SHC3: variants seen among roughly 807,000 people sequenced by gnomAD.
SHC3 encodes SHC adaptor protein 3, also known as SHC-transforming protein 3.
A neutral mutation model predicts 60.4 loss-of-function variants in SHC3; 15 were observed. The ratio of observed to expected loss-of-function variants is 0.25; its 90% CI spans 0.17 to 0.38. The LOEUF (loss-of-function observed/expected upper bound fraction) is 0.38, where lower values mean the gene tolerates loss of function less well. Among genes scored for constraint, SHC3 ranks in the 10% least tolerant of loss-of-function variants. SHC3 has a pLI of 1.00. For missense variants in SHC3, 677 were observed against 786.1 expected (o/e 0.86, Z 1.66); for synonymous variants, 294 against 325.9 (o/e 0.90, Z 1.05).
At chr9:89,177,796 G>A (rs545240831) in intron 1 of SHC3, among the ~76,000 whole-genome samples, 191 bp downstream of exon 1, 70 of 152,364 alleles carry the variant, frequency 4.6e-4, no homozygotes, top group Non-Finnish European at 8.4e-4. Context: ...CAATGGATGC[G>A]GGAAAAGCGC....
chr9:89,078,320 T>C (rs906749957), intron 2 of SHC3, among the ~76,000 whole-genome samples: 14 of 152,204 alleles, frequency 9.2e-5, no homozygotes, highest in Non-Finnish European at 1.5e-4. Context: ...CCTTGATTGA[T>C]TGAGATCCTT....
intron 11 of SHC3, among the ~76,000 whole-genome samples, chr9:89,034,762 A>T (rs1824544613): frequency 6.6e-6 from 1 of 152,224 alleles, no homozygotes; most frequent in African/African-American, 2.4e-5. Flanking sequence ...TTAAAACTCT[A>T]TCAAAAGACA....
At position 89,012,079 on chromosome 9, in the gene SHC3, G is replaced by T; in HGVS notation, c.*1368C>A. On this transcript the variant is annotated 3_prime_UTR_variant, in exon 12 of 12. Coordinates refer to ENST00000375835, the MANE Select transcript of SHC3 (RefSeq NM_016848.6). ...TCTGCTGACCCATACCCTACAGGGT[G>T]CTGTACCCTGTGGGGTCTCACCAGA... 1 of 152,200 alleles carries T rather than the reference G, an allele frequency of 6.6e-6. No homozygotes were observed. Among genetic ancestry groups the T allele is most frequent in the Non-Finnish European group, 1.5e-5 (1 of 68,064 alleles). The allele number at this position is 152,200 out of a possible 1,614,324, so 9.4% of individuals were successfully genotyped here. A position where few individuals can be genotyped will look rare whatever the true frequency, so the allele number is the denominator to read the frequency against.
At chr9:89,079,887 C>T (rs1234257527) in intron 2 of SHC3, among the ~76,000 whole-genome samples, 1 of 152,188 alleles carries the variant, frequency 6.6e-6, no homozygotes, top group Admixed American at 6.5e-5. Flanking sequence ...TCAAATGAAA[C>T]TGCTTTTTAG....
At chr9:89,061,264 C>T (rs994092116) in intron 6 of SHC3, among the ~76,000 whole-genome samples, 14 of 152,138 alleles carry the variant, frequency 9.2e-5, no homozygotes, top group Non-Finnish European at 1.8e-4. Flanking sequence ...GCTTTGCTGC[C>T]AAGGGAAAGA....
intron 6 of SHC3, among the ~76,000 whole-genome samples, chr9:89,056,327 AC>A (rs1239518832): frequency 2.6e-5 from 4 of 152,088 alleles, no homozygotes; most frequent in African/African-American, 9.7e-5. Flanking sequence ...GCTCACTGCA[AC>A]CTCAGCCTCC....
chr9:89,050,399 C>T (rs1342419777), intron 7 of SHC3, among the ~76,000 whole-genome samples: 1 of 152,196 alleles, frequency 6.6e-6, no homozygotes, highest in Admixed American at 6.5e-5. Context: ...GATTCTCCTG[C>T]CTCAGCTTCC....
chr9:89,017,948 C>T (rs1209883225), intron 11 of SHC3, among the ~76,000 whole-genome samples: 1 of 152,222 alleles, frequency 6.6e-6, no homozygotes, highest in African/African-American at 2.4e-5. Flanking sequence ...GAGATACTAT[C>T]TCACGCCAGT....
rs141125425 is a variant in SHC3 at position 89,033,451 on chromosome 9, T to C, written c.1656+4542A>G. 3.7e-3 allele frequency among the ~76,000 whole-genome samples: 571 copies of C among 152,336 alleles called. 3 individuals carry two copies. The highest frequency in any genetic ancestry group is 0.014 in the Middle Eastern group (4 of 294). ...TTAGATAACCACAACTGTTAGTCTATGCAAACAGGAAGAAGTATGAGCTGA... is the reference window on the plus strand; with the variant it reads ...TTAGATAACCACAACTGTTAGTCTACGCAAACAGGAAGAAGTATGAGCTGA... On this transcript the variant is annotated intron_variant, in intron 11 of 11. Transcript: ENST00000375835.
chr9:89,104,014 A>G (rs994820763), intron 2 of SHC3, among the ~76,000 whole-genome samples: 1 of 152,222 alleles, frequency 6.6e-6, no homozygotes, highest in African/African-American at 2.4e-5. Context: ...TGCTTCTGGC[A>G]TGAGGATTAT....
At chr9:89,156,776 G>A (rs1272407252) in intron 1 of SHC3, among the ~76,000 whole-genome samples, 1 of 152,180 alleles carries the variant, frequency 6.6e-6, no homozygotes, top group Non-Finnish European at 1.5e-5. Flanking sequence ...ATTTCTTCCT[G>A]AGGGGCCTGG....
intron 1 of SHC3, among the ~76,000 whole-genome samples, chr9:89,132,447 G>A (rs28803304): frequency 3.9e-5 from 6 of 152,112 alleles, no homozygotes; most frequent in Non-Finnish European, 7.4e-5. Flanking sequence ...AGCCTGCATT[G>A]CCAAGACAAT....
chr9:89,134,687 A>C (rs565907225), intron 1 of SHC3, among the ~76,000 whole-genome samples: 1 of 152,244 alleles, frequency 6.6e-6, no homozygotes, highest in South Asian at 2.1e-4. Context: ...CCTCTTCAAA[A>C]GGTGGTTTAT....
chr9:89,044,388 G>A (rs942328171), intron 9 of SHC3, among the ~76,000 whole-genome samples: 25 of 152,228 alleles, frequency 1.6e-4, no homozygotes, highest in African/African-American at 5.8e-4. Context: ...TGGGGCAGGC[G>A]AGACGAAATT....
intron 6 of SHC3, among the ~76,000 whole-genome samples, chr9:89,059,481 G>A (rs1271125208): frequency 6.8e-5 from 10 of 147,488 alleles, no homozygotes; most frequent in African/African-American, 2.5e-5. Context: ...GTGGGGGGCG[G>A]TAGCAGAGGA....
At chr9:89,158,639 C>A (rs377410494) in intron 1 of SHC3, among the ~76,000 whole-genome samples, 109 of 152,332 alleles carry the variant, frequency 7.2e-4, no homozygotes, top group African/African-American at 2.5e-3. Context: ...GTCTAGCGGG[C>A]TGTTGAAGTC....
chr9:89,090,079 C>T (rs968779041), intron 2 of SHC3, among the ~76,000 whole-genome samples: 1 of 152,242 alleles, frequency 6.6e-6, no homozygotes, highest in African/African-American at 2.4e-5. Context: ...GCCCTGCAGA[C>T]AGCATCTCAT....
chr9:89,117,934 G>A (rs1238133994), intron 1 of SHC3, among the ~76,000 whole-genome samples: 1 of 152,028 alleles, frequency 6.6e-6, no homozygotes, highest in Non-Finnish European at 1.5e-5. Context: ...CTGAACTGAG[G>A]TGCCAACTTG....
intron 2 of SHC3, among the ~76,000 whole-genome samples, chr9:89,091,404 A>G (rs781770253): frequency 6.6e-6 from 1 of 152,220 alleles, no homozygotes; most frequent in Non-Finnish European, 1.5e-5. Flanking sequence ...ATACAGTCCA[A>G]TGGCATTTCA....
Sources: gnomAD v4.1 joint callset for allele counts (sites outside exome capture counted in the v4.1 genomes callset) on GRCh38, gnomAD v4.1.1 for gene constraint, MANE v1.5 for transcripts, NCBI Gene and HGNC (gene_info 2026-07-23, HGNC 2026-07-21) for gene names.